The following AK5 variants were observed in gnomAD, a reference collection of about 807,000 sequenced individuals.
The protein encoded by AK5 is adenylate kinase isoenzyme 5.
Under a neutral mutation model 69.5 loss-of-function variants are expected in AK5, and 27 were observed. That is an observed-to-expected ratio of 0.39 (90% CI 0.29 to 0.54). The LOEUF (loss-of-function observed/expected upper bound fraction) is 0.54. Ranked by LOEUF, AK5 falls within the 20% of genes least tolerant of loss-of-function variation. The pLI is 0.71. For synonymous variants in AK5, 260 were observed against 244.4 expected, an observed-to-expected ratio of 1.06 and a Z score of -0.60; for missense variants, 531 against 700.4, an observed-to-expected ratio of 0.76 and a Z score of 2.73.
At chr1:77,552,225 C>T (rs906698318) in intron 13 of AK5, among the ~76,000 whole-genome samples, 12 of 152,076 alleles carry the variant, frequency 7.9e-5, no homozygotes, top group Admixed American at 3.3e-4. Context: ...TAGTAATTTT[C>T]CATCCACTGA....
intron 10 of AK5, among the ~76,000 whole-genome samples, chr1:77,511,066 T>C (rs2100290597): frequency 6.6e-6 from 1 of 151,498 alleles, no homozygotes; most frequent in Middle Eastern, 3.5e-3. Flanking sequence ...ATCATATATA[T>C]AGTACCACAA....
intron 6 of AK5, among the ~76,000 whole-genome samples, chr1:77,359,253 C>CA (rs377096698): frequency 0.087 from 8,662 of 99,072 alleles, 273 homozygotes; most frequent in Middle Eastern, 0.16. Context: ...GACTCTGTCT[C>CA]AAAAAAAAAA....
intron 5 of AK5, among the ~76,000 whole-genome samples, chr1:77,326,819 A>C (rs1413218614): frequency 6.6e-6 from 1 of 152,098 alleles, no homozygotes; most frequent in Non-Finnish European, 1.5e-5. Context: ...AAATGAATAC[A>C]ATGAAACTAA....
intron 8 of AK5, among the ~76,000 whole-genome samples, chr1:77,428,781 G>A (rs1651390505): frequency 6.6e-6 from 1 of 151,950 alleles, no homozygotes; most frequent in South Asian, 2.1e-4. Flanking sequence ...AGGCCCCAGT[G>A]TGTGATGTTC....
chr1:77,468,535 G>T (rs1654282649), intron 8 of AK5, among the ~76,000 whole-genome samples: 2 of 152,226 alleles, frequency 1.3e-5, no homozygotes, highest in Non-Finnish European at 2.9e-5. Context: ...CCTGGATTTT[G>T]AATTTCCCAG....
chr1:77,337,385 G>A (rs1570402145), intron 5 of AK5, among the ~76,000 whole-genome samples: 1 of 152,018 alleles, frequency 6.6e-6, no homozygotes, highest in African/African-American at 2.4e-5. Flanking sequence ...ATTTAAAAAT[G>A]CAAGTTTTTA....
chr1:77,516,543 A>G lies in AK5; in HGVS notation c.1148-2021A>G, dbSNP rs1032980432. ...ACATCTTAAATTTATAGTTTTATCA[A>G]TGATACCTCAATAAAGCTGGGGGAG... On this transcript the variant is annotated intron_variant, in intron 10 of 13. Coordinates refer to ENST00000354567, the MANE Select transcript of AK5 (RefSeq NM_174858.3). 4.6e-5 allele frequency among the ~76,000 whole-genome samples: 7 copies of G among 152,190 alleles called. No individual in the cohort carries two copies. The East Asian group carries it at 9.6e-4, about 21-fold the overall frequency.
At chr1:77,511,451 A>C (rs1657342729) in intron 10 of AK5, among the ~76,000 whole-genome samples, 1 of 152,234 alleles carries the variant, frequency 6.6e-6, no homozygotes, top group Non-Finnish European at 1.5e-5. Flanking sequence ...CAATGTTTTG[A>C]AAATGCTGAG....
At chr1:77,293,151 G>A (rs1481015506) in intron 2 of AK5, among the ~76,000 whole-genome samples, 1 of 152,066 alleles carries the variant, frequency 6.6e-6, no homozygotes, top group African/African-American at 2.4e-5. Context: ...TATTCCAATT[G>A]TAGGAATTGT....
intron 8 of AK5, among the ~76,000 whole-genome samples, chr1:77,482,393 T>A (rs996758808): frequency 1.3e-5 from 2 of 152,216 alleles, no homozygotes; most frequent in African/African-American, 4.8e-5. Context: ...ATGAAAACTT[T>A]AAGGTAGGAA....
At chr1:77,333,550 C>G (rs1053364209) in intron 5 of AK5, among the ~76,000 whole-genome samples, 1 of 148,002 alleles carries the variant, frequency 6.8e-6, no homozygotes, top group Non-Finnish European at 1.5e-5. Flanking sequence ...AATCTCCCCC[C>G]CACCATGCTA....
At chr1:77,322,825 A>G (rs1660603730) in intron 5 of AK5, among the ~76,000 whole-genome samples, 1 of 152,216 alleles carries the variant, frequency 6.6e-6, no homozygotes. Context: ...ATCCTGTCTG[A>G]AGTTAGATCC....
chr1:77,455,282 T>C (rs899077822), intron 8 of AK5, among the ~76,000 whole-genome samples: 16 of 152,156 alleles, frequency 1.1e-4, no homozygotes, highest in African/African-American at 3.9e-4. Context: ...TATGACCGTG[T>C]TGGGAAGTAA....
intron 5 of AK5, among the ~76,000 whole-genome samples, chr1:77,305,744 G>A (rs1371170952): frequency 6.6e-6 from 1 of 152,154 alleles, no homozygotes; most frequent in Non-Finnish European, 1.5e-5. Context: ...GGTTACTACA[G>A]CTCTGTAGTA....
At chr1:77,457,962 C>G (rs1203429957) in intron 8 of AK5, among the ~76,000 whole-genome samples, 4 of 152,094 alleles carry the variant, frequency 2.6e-5, no homozygotes, top group Non-Finnish European at 4.4e-5. Flanking sequence ...AGAAGCCAGG[C>G]ATGGTGCCCA....
intron 8 of AK5, among the ~76,000 whole-genome samples, chr1:77,437,465 A>T (rs1169033757): frequency 6.6e-6 from 1 of 152,130 alleles, no homozygotes; most frequent in African/African-American, 2.4e-5. Context: ...TTCTGACAAA[A>T]TGGGACCTGT....
At chr1:77,314,556 TG>T (rs1484459367) in intron 5 of AK5, 5 of 152,602 alleles carry the variant, frequency 3.3e-5, no homozygotes, top group African/African-American at 9.6e-5. Context: ...TACAGAATGA[TG>T]TTTCAATACA....
intron 8 of AK5, among the ~76,000 whole-genome samples, chr1:77,443,677 CTG>C (rs71244408): frequency 0.1 from 13,672 of 133,914 alleles, 854 homozygotes; most frequent in African/African-American, 0.2. Flanking sequence ...TGTGGGGAGT[CTG>C]TGTGTGTGTG....
chr1:77,364,206 G>T (rs1646912759), intron 6 of AK5, among the ~76,000 whole-genome samples: 1 of 152,090 alleles, frequency 6.6e-6, no homozygotes, highest in African/African-American at 2.4e-5. Context: ...TGGAATTAAA[G>T]ATTATCTTAA....
Sources: allele counts gnomAD v4.1 joint callset (sites outside exome capture counted in the v4.1 genomes callset), GRCh38; gene constraint gnomAD v4.1.1; transcripts MANE v1.5; gene names NCBI Gene and HGNC (gene_info 2026-07-23, HGNC 2026-07-21).